The following NEGR1 variants were observed in gnomAD, a reference collection of about 807,000 sequenced individuals.
NEGR1 encodes IgLON family member 4.
In NEGR1, 10 loss-of-function variants were observed where a neutral mutation model predicts 40.9. The observed-to-expected ratio is 0.24, with a 90% confidence interval of 0.15 to 0.42. The LOEUF (loss-of-function observed/expected upper bound fraction) is 0.42. Ranked by LOEUF, NEGR1 falls within the 10% of genes least tolerant of loss-of-function variation. The pLI is 1.00. For synonymous variants in NEGR1, 185 were observed against 166.8 expected, an observed-to-expected ratio of 1.11 and a Z score of -0.84; for missense variants, 352 against 438.9, an observed-to-expected ratio of 0.80 and a Z score of 1.77.
chr1:72,165,701 C>A (rs549977297), intron 1 of NEGR1, among the ~76,000 whole-genome samples: 6 of 152,098 alleles, frequency 3.9e-5, no homozygotes, highest in African/African-American at 1.4e-4. Context: ...GGTGTCCATT[C>A]TCGGCATCTA....
chr1:71,493,843 T>C (rs1646945079), intron 6 of NEGR1, among the ~76,000 whole-genome samples: 1 of 152,226 alleles, frequency 6.6e-6, no homozygotes. Flanking sequence ...TTATGTGTTT[T>C]GCTCTAGTCC....
chr1:72,025,847 C>T (rs539713070), intron 1 of NEGR1, among the ~76,000 whole-genome samples: 3 of 152,214 alleles, frequency 2.0e-5, no homozygotes, highest in African/African-American at 7.2e-5. Flanking sequence ...AGCGGTGGCT[C>T]ACGCCTGTAA....
chr1:72,165,172 T>C (rs1010459361), intron 1 of NEGR1, among the ~76,000 whole-genome samples: 6 of 152,046 alleles, frequency 3.9e-5, no homozygotes, highest in African/African-American at 9.7e-5. Flanking sequence ...GAGAAGAGCA[T>C]AACATCAACA....
intron 1 of NEGR1, among the ~76,000 whole-genome samples, chr1:72,034,552 C>G (rs569358882): frequency 1.3e-4 from 20 of 152,046 alleles, no homozygotes; most frequent in Admixed American, 3.9e-4. Context: ...AACAGAATGC[C>G]AAATAGATAA....
At chr1:71,600,059 C>T (rs1268820503) in intron 5 of NEGR1, among the ~76,000 whole-genome samples, 1 of 152,130 alleles carries the variant, frequency 6.6e-6, no homozygotes, top group African/African-American at 2.4e-5. Flanking sequence ...AGAAAAAATC[C>T]TGAGAAGCCA....
intron 1 of NEGR1, among the ~76,000 whole-genome samples, chr1:72,134,268 C>G (rs935310332): frequency 1.3e-5 from 2 of 149,010 alleles, no homozygotes; most frequent in Non-Finnish European, 3.0e-5. Flanking sequence ...GAGTGTGTCA[C>G]GATCTTGGCT....
rs532057918 is a variant in NEGR1, at chr1:71,747,752, G to T, written c.535+28420C>A. Among the ~76,000 whole-genome samples, 3 of 151,798 alleles carry T rather than the reference G, an allele frequency of 2.0e-5. No homozygotes were observed. In the East Asian group the frequency reaches 5.8e-4, roughly 29 times the overall value. On this transcript the variant is annotated intron_variant, in intron 3 of 6. Coordinates refer to ENST00000357731, the MANE Select transcript of NEGR1 (RefSeq NM_173808.3). ...TTTTCATATAATAATAGAAACAATC[G>T]AAGAGACCAGGTAGAATGGGTGGAT...
chr1:71,717,718 A>C (rs1654324756), intron 3 of NEGR1, among the ~76,000 whole-genome samples: 1 of 152,228 alleles, frequency 6.6e-6, no homozygotes, highest in Admixed American at 6.5e-5. Flanking sequence ...CCTAAAGCCC[A>C]GTACTTCAGA....
At chr1:72,181,990 C>A (rs1652394429) in intron 1 of NEGR1, among the ~76,000 whole-genome samples, 1 of 151,932 alleles carries the variant, frequency 6.6e-6, no homozygotes. Flanking sequence ...ATATGCGGAC[C>A]AGAGGTAATA....
intron 3 of NEGR1, among the ~76,000 whole-genome samples, chr1:71,768,444 T>G (rs1404709445): frequency 6.6e-6 from 1 of 152,170 alleles, no homozygotes; most frequent in Non-Finnish European, 1.5e-5. Context: ...CCTTCCAATT[T>G]TTTTTGTTTT....
intron 1 of NEGR1, among the ~76,000 whole-genome samples, chr1:72,051,289 TGAC>T (rs1000766726): frequency 6.6e-6 from 1 of 151,526 alleles, no homozygotes; most frequent in Non-Finnish European, 1.5e-5. Context: ...CATCATGAGA[TGAC>T]GACTTGATAA....
chr1:71,629,625 G>C (rs918705160), intron 4 of NEGR1, among the ~76,000 whole-genome samples: 6 of 151,938 alleles, frequency 3.9e-5, no homozygotes, highest in Non-Finnish European at 5.9e-5. Flanking sequence ...AATCAGGCTA[G>C]AGAAAGAAAT....
chr1:71,630,012 C>T (rs1302019733), intron 4 of NEGR1, among the ~76,000 whole-genome samples: 1 of 151,864 alleles, frequency 6.6e-6, no homozygotes, highest in Non-Finnish European at 1.5e-5. Flanking sequence ...GGAAATAGCA[C>T]AATTTCTGTG....
At chr1:71,922,905 A>T (rs1006997551) in intron 2 of NEGR1, among the ~76,000 whole-genome samples, 1 of 152,196 alleles carries the variant, frequency 6.6e-6, no homozygotes, top group African/African-American at 2.4e-5. Flanking sequence ...TATAAATATT[A>T]AAAGTGAATG....
intron 2 of NEGR1, among the ~76,000 whole-genome samples, chr1:71,917,997 C>T (rs1048022398): frequency 6.7e-6 from 1 of 150,202 alleles, no homozygotes; most frequent in Non-Finnish European, 1.5e-5. Context: ...GCGGGCGGAT[C>T]ACAAGGTCAG....
chr1:71,573,682 G>C (rs1459399781), intron 6 of NEGR1: 2 of 152,072 alleles, frequency 1.3e-5, no homozygotes, highest in African/African-American at 4.8e-5. Context: ...TGATATTCTA[G>C]GGTCTACTCA....
chr1:71,501,470 T>C (rs1217682106), intron 6 of NEGR1, among the ~76,000 whole-genome samples: 8 of 152,164 alleles, frequency 5.3e-5, no homozygotes, highest in Non-Finnish European at 1.5e-5. Context: ...TGATTTGTCC[T>C]GAATTGGGAA....
intron 1 of NEGR1, among the ~76,000 whole-genome samples, chr1:71,962,032 G>T (rs1646169447): frequency 6.6e-6 from 1 of 151,962 alleles, no homozygotes; most frequent in Non-Finnish European, 1.5e-5. Flanking sequence ...CTTGTGAATG[G>T]GGAAAATGAC....
chr1:71,952,182 G>A (rs4084797), intron 1 of NEGR1, among the ~76,000 whole-genome samples: 2,032 of 152,042 alleles, frequency 0.013, 44 homozygotes, highest in African/African-American at 0.046. Context: ...TGAGGAAGGC[G>A]TGTCAAAAGA....
Sources: allele counts gnomAD v4.1 joint callset (sites outside exome capture counted in the v4.1 genomes callset), GRCh38; gene constraint gnomAD v4.1.1; transcripts MANE v1.5; gene names NCBI Gene and HGNC (gene_info 2026-07-23, HGNC 2026-07-21).